The following UBR1 variants were observed in gnomAD, a reference collection of about 807,000 sequenced individuals.
The protein encoded by UBR1 is E3 ubiquitin-protein ligase UBR1.
A neutral mutation model predicts 242.1 loss-of-function variants in UBR1; 102 were observed. The observed-to-expected ratio is 0.42, with a 90% confidence interval of 0.36 to 0.50. UBR1 has a LOEUF of 0.50. Ranked by LOEUF, UBR1 falls within the 20% of genes least tolerant of loss-of-function variation. The probability of loss-of-function intolerance (pLI) is 0.01; values close to 1 mark genes in which losing one functional copy is unlikely to be tolerated. For synonymous variants in UBR1, 675 were observed against 684.8 expected (o/e 0.99, Z 0.22); for missense variants, 1,772 against 2,101.8 (o/e 0.84, Z 3.07).
chr15:43,053,634 C>G (rs2141332000), intron 12 of UBR1, among the ~76,000 whole-genome samples: 1 of 152,018 alleles, frequency 6.6e-6, no homozygotes, highest in African/African-American at 2.4e-5. Context: ...GCTCTGTTGC[C>G]CAGGCTGGAG....
intron 43 of UBR1, among the ~76,000 whole-genome samples, chr15:42,959,122 C>T (rs986122584): frequency 3.9e-5 from 6 of 152,178 alleles, no homozygotes; most frequent in Admixed American, 2.6e-4. Context: ...TGAGCCACGG[C>T]GCCTGGCCCC....
intron 35 of UBR1, among the ~76,000 whole-genome samples, chr15:42,986,824 C>T (rs1031411583): frequency 1.4e-4 from 21 of 152,218 alleles, no homozygotes; most frequent in African/African-American, 3.9e-4. Flanking sequence ...CGGCAGTACC[C>T]GGGGACCATG....
rs940897683 is a variant in UBR1, at chr15:43,007,173, C to T, written c.3321G>A (p.Val1107=). ...TCILCQEEQE[V]KIENNAMVLS... is the part of the protein sequence containing the mutation. Reference sequence around the variant, plus strand: ...ATACCATGGCATTATTTTCTATTTTCACCTCCTGTTCTTCTTGGCAAAGGA... The same window carrying T: ...ATACCATGGCATTATTTTCTATTTTTACCTCCTGTTCTTCTTGGCAAAGGA... The change falls in exon 30 of 47, where the codon GTG becomes GTA. Residue 1107 remains valine, a synonymous_variant. Transcript: ENST00000290650. 9.3e-6 allele frequency: 15 copies of T among 1,614,096 alleles called. No homozygotes were observed. In the Middle Eastern group the frequency reaches 9.9e-4, roughly 107 times the overall value.
At chr15:43,096,272 G>T (rs1468058288) in intron 1 of UBR1, among the ~76,000 whole-genome samples, 1 of 151,556 alleles carries the variant, frequency 6.6e-6, no homozygotes, top group South Asian at 2.1e-4. Flanking sequence ...CTGCCGGATT[G>T]AAGCAATTCT....
intron 11 of UBR1, among the ~76,000 whole-genome samples, chr15:43,055,241 T>G (rs928894887): frequency 6.6e-6 from 1 of 152,126 alleles, no homozygotes; most frequent in Non-Finnish European, 1.5e-5. Flanking sequence ...ACTCAGGAGT[T>G]CGAGACTATC....
At chr15:42,960,465 A>C (rs2031996297) in intron 43 of UBR1, among the ~76,000 whole-genome samples, 180 bp downstream of exon 43, 1 of 152,140 alleles carries the variant, frequency 6.6e-6, no homozygotes, top group South Asian at 2.1e-4. Flanking sequence ...AAGGACAGCC[A>C]CTCCAAGAAA....
intron 29 of UBR1, among the ~76,000 whole-genome samples, chr15:43,013,001 G>A (rs1261895108): frequency 6.6e-6 from 1 of 152,120 alleles, no homozygotes; most frequent in Non-Finnish European, 1.5e-5. Context: ...TGGCTCCCAA[G>A]TTCAGGTGAT....
At chr15:43,097,917 T>G (rs1361120046) in intron 1 of UBR1, among the ~76,000 whole-genome samples, 2 of 152,238 alleles carry the variant, frequency 1.3e-5, no homozygotes, top group African/African-American at 4.8e-5. Context: ...TTAATTTCCT[T>G]CAAGAACTTT....
intron 12 of UBR1, among the ~76,000 whole-genome samples, chr15:43,054,128 C>T (rs981939096): frequency 2.0e-5 from 3 of 152,102 alleles, no homozygotes; most frequent in Non-Finnish European, 4.4e-5. Flanking sequence ...AGCAGAAGGA[C>T]TGCTTGACCC....
intron 1 of UBR1, among the ~76,000 whole-genome samples, chr15:43,096,597 A>C (rs1395521334): frequency 6.6e-6 from 1 of 152,180 alleles, no homozygotes; most frequent in African/African-American, 2.4e-5. Context: ...ATCCTTGCCA[A>C]CTCTGCGGCT....
intron 12 of UBR1, among the ~76,000 whole-genome samples, chr15:43,050,535 C>T (rs527760360): frequency 6.6e-6 from 1 of 152,134 alleles, no homozygotes; most frequent in African/African-American, 2.4e-5. Context: ...CACGGTGAAA[C>T]CCCGTCTCCA....
chr15:43,010,419 G>C (rs1200040195), intron 29 of UBR1, among the ~76,000 whole-genome samples: 1 of 151,788 alleles, frequency 6.6e-6, no homozygotes, highest in African/African-American at 2.4e-5. Context: ...ACATACTACA[G>C]AGTGAAAATG....
At chr15:43,040,458 A>G (rs2033402540) in intron 15 of UBR1, among the ~76,000 whole-genome samples, 2 of 152,230 alleles carry the variant, frequency 1.3e-5, no homozygotes, top group Admixed American at 6.5e-5. Context: ...TTCAAGATGG[A>G]TTAAAGACTT....
intron 33 of UBR1, among the ~76,000 whole-genome samples, chr15:42,995,826 A>G (rs1376460811): frequency 6.6e-6 from 1 of 152,190 alleles, no homozygotes; most frequent in Admixed American, 6.5e-5. Context: ...TTATAAAATG[A>G]AGGAGGAGGG....
rs370479144 is a variant in UBR1 at position 42,958,095 on chromosome 15, A to G, written c.4758-5T>C. 2.5e-6 allele frequency: 4 copies of G among 1,609,696 alleles called. No individual in the cohort carries two copies. The African/African-American group carries it at 5.3e-5, about 22-fold the overall frequency. The stretch of plus-strand genomic sequence containing the variant: ...CTATTTCTTTTTCTAGGGTACCTAC[A>G]ATGTAATTTAAAAGGCAATTTTATT... On this transcript the variant is annotated splice_polypyrimidine_tract_variant and splice_region_variant and intron_variant, in intron 43 of 46. Coordinates refer to ENST00000290650, the MANE Select transcript of UBR1 (RefSeq NM_174916.3).
At chr15:43,043,609 C>T (rs1043277052) in intron 14 of UBR1, among the ~76,000 whole-genome samples, 1 of 152,048 alleles carries the variant, frequency 6.6e-6, no homozygotes, top group Non-Finnish European at 1.5e-5. Flanking sequence ...TGCCACCATG[C>T]CCAGTTTTTG....
intron 46 of UBR1, among the ~76,000 whole-genome samples, chr15:42,949,429 T>C (rs535214562): frequency 8.0e-6 from 1 of 124,922 alleles, no homozygotes; most frequent in South Asian, 2.6e-4. Flanking sequence ...TAAAGTATAA[T>C]AATAATAAAA....
chr15:42,992,975 TC>T (rs2032578783), intron 33 of UBR1, among the ~76,000 whole-genome samples: 2 of 152,224 alleles, frequency 1.3e-5, no homozygotes, highest in Admixed American at 1.3e-4. Flanking sequence ...ATTATGGGCA[TC>T]TGCATGGCCA....
At chr15:42,990,802 C>T (rs1426918290) in intron 33 of UBR1, among the ~76,000 whole-genome samples, 1 of 152,130 alleles carries the variant, frequency 6.6e-6, no homozygotes, top group Non-Finnish European at 1.5e-5. Flanking sequence ...TGATCTGAAG[C>T]CAAGCTGCCT....
Sources: allele counts gnomAD v4.1 joint callset (sites outside exome capture counted in the v4.1 genomes callset), GRCh38; gene constraint gnomAD v4.1.1; transcripts MANE v1.5; gene names NCBI Gene and HGNC (gene_info 2026-07-23, HGNC 2026-07-21).